The following OLFM2 variants were observed in gnomAD, a reference collection of about 807,000 sequenced individuals.
The protein encoded by OLFM2 is noelin-2.
Under a neutral mutation model 43.9 loss-of-function variants are expected in OLFM2, and 20 were observed. That is an observed-to-expected ratio of 0.46 (90% CI 0.32 to 0.66). The LOEUF is 0.66. OLFM2 is among the 30% of genes least tolerant of loss of function. The pLI is 0.04. For missense variants in OLFM2, 416 were observed against 643.6 expected, an observed-to-expected ratio of 0.65 and a Z score of 3.83; for synonymous variants, 268 against 278.6, an observed-to-expected ratio of 0.96 and a Z score of 0.38.
Position 9,886,079 on chromosome 19 carries a change from G to A in OLFM2, c.64-25285C>T, listed in dbSNP as rs147405150. Among the ~76,000 whole-genome samples the A allele has an allele frequency of 5.6e-3, 817 of 145,290 alleles. 4 individuals carry two copies. The highest frequency in any genetic ancestry group is 0.02 in the African/African-American group (772 of 39,426). On this transcript the variant is annotated intron_variant, in intron 1 of 5. Transcript: ENST00000264833. ...ACCCCTGCACTCCAGCCTGGGCAACGGAGCAAGACCCTGTCTCAAAAAAGA... is the reference window on the plus strand; with the variant it reads ...ACCCCTGCACTCCAGCCTGGGCAACAGAGCAAGACCCTGTCTCAAAAAAGA...
intron 1 of OLFM2, among the ~76,000 whole-genome samples, chr19:9,924,103 CAAAAAA>C (rs1047796253): frequency 2.4e-4 from 5 of 20,714 alleles, no homozygotes; most frequent in East Asian, 2.2e-3. Flanking sequence ...CTCGTCTCTA[CAAAAAA>C]AAAAAAAAAA....
rs1337298099 is a variant in OLFM2, at chr19:9,857,876, A to G, written c.214-15T>C. The G allele has an allele frequency of 1.9e-6, 3 of 1,613,684 alleles. No individual in the cohort carries two copies. Among genetic ancestry groups the G allele is most frequent in the Non-Finnish European group, 2.5e-6 (3 of 1,180,014 alleles). On this transcript the variant is annotated splice_polypyrimidine_tract_variant and intron_variant, in intron 2 of 5. Transcript: ENST00000264833. This position sits in a 1 kb window ranked among gnomAD's most constrained non-coding sequence, Gnocchi z 5.7. ...ACGTTCTGGACCTAGGAATGGGGAC[A>G]ACTGAAGGGACCAGACCTCCTTCCC...
rs747662258 is a variant in OLFM2 at position 9,856,866 on chromosome 19, T to G, written c.628A>C (p.Met210Leu). The G allele has an allele frequency of 2.5e-6, 4 of 1,613,512 alleles. No homozygotes were observed. Among genetic ancestry groups the G allele is most frequent in the Non-Finnish European group, 3.4e-6 (4 of 1,179,826 alleles). Residue 210 changes from methionine to leucine, a missense_variant, in exon 5 of 6, where the codon ATG (methionine) becomes CTG (leucine). Transcript: ENST00000264833. This position sits in a 1 kb window ranked among gnomAD's most constrained non-coding sequence, Gnocchi z 4.0. ...GVSNPITVRA[M>L]GSRFGSWMTD... is the part of the protein sequence containing the mutation. ...ATCCAGGAGCCGAAGCGGGACCCCA[T>G]GGCCCGAACGGTGATGGGGTTACTG...
At chr19:9,904,157 TG>T (rs1336523236) in intron 1 of OLFM2, among the ~76,000 whole-genome samples, 36 of 47,656 alleles carry the variant, frequency 7.6e-4, no homozygotes, top group Admixed American at 7.2e-4. Flanking sequence ...ATTGTTTGTG[TG>T]TGTGTGTGTG....
intron 1 of OLFM2, among the ~76,000 whole-genome samples, chr19:9,909,924 T>C (rs1002246961): frequency 2.6e-5 from 4 of 152,020 alleles, no homozygotes; most frequent in Admixed American, 6.6e-5. Context: ...CAAATCCTTA[T>C]GAAGGTGTGA....
chr19:9,932,976 T>C (rs1403556233), intron 1 of OLFM2, among the ~76,000 whole-genome samples: 1 of 152,028 alleles, frequency 6.6e-6, no homozygotes, highest in Non-Finnish European at 1.5e-5. Context: ...AGCTTACAAG[T>C]TCCTAAGTGG....
chr19:9,908,489 T>G (rs1489003992), intron 1 of OLFM2, among the ~76,000 whole-genome samples: 46 of 133,236 alleles, frequency 3.5e-4, no homozygotes, highest in African/African-American at 1.3e-3. Flanking sequence ...TTTTTTTTTT[T>G]TTTTTTGAGA....
In OLFM2 at chr19:9,853,745, G is replaced by T; in HGVS notation, c.*441C>A. The T allele has an allele frequency of 2.4e-6, 1 of 409,378 alleles. No individual in the cohort carries two copies. Among genetic ancestry groups the T allele is most frequent in the South Asian group, 8.6e-5 (1 of 11,566 alleles). The allele number at this position is 409,378 out of a possible 1,614,324, so 25.4% of individuals were successfully genotyped here. ...AAATGTCAAAGGTCCTGTTTATTCC[G>T]GCAAACCGGAAAGAAAAAGTGTAAA... On this transcript the variant is annotated 3_prime_UTR_variant, in exon 6 of 6. Coordinates refer to ENST00000264833, the MANE Select transcript of OLFM2 (RefSeq NM_058164.4).
At position 9,856,704 on chromosome 19, in the gene OLFM2, G is replaced by A. The variant is rs1020387569; in HGVS notation, c.687+103C>T. 1.1e-6 allele frequency: 1 copy of A among 918,148 alleles called. No individual in the cohort carries two copies. Among genetic ancestry groups the A allele is most frequent in the Non-Finnish European group, 1.7e-6 (1 of 587,424 alleles). The allele number at this position is 918,148 out of a possible 1,614,324, so 56.9% of individuals were successfully genotyped here. A position where few individuals can be genotyped will look rare whatever the true frequency, so the allele number is the denominator to read the frequency against. The stretch of plus-strand genomic sequence containing the variant: ...GCCCTGGGGGATCCAGGACACTTTG[G>A]GCTACAAGACAGTCACCAGTGTGGA... On this transcript the variant is annotated intron_variant, in intron 5 of 5. Coordinates refer to ENST00000264833, the MANE Select transcript of OLFM2 (RefSeq NM_058164.4). The surrounding 1 kb of genome is among the most constrained non-coding windows in gnomAD (Gnocchi z 4.0).
intron 1 of OLFM2, among the ~76,000 whole-genome samples, chr19:9,914,289 C>T (rs1311975057): frequency 6.6e-6 from 1 of 152,102 alleles, no homozygotes; most frequent in Non-Finnish European, 1.5e-5. Flanking sequence ...GGACAGCGGG[C>T]ATTGGGGGGC....
chr19:9,874,564 T>G (rs1360516222), intron 1 of OLFM2, among the ~76,000 whole-genome samples: 1 of 152,110 alleles, frequency 6.6e-6, no homozygotes, highest in East Asian at 1.9e-4. Flanking sequence ...CACTGCAACC[T>G]CTACCTCCTG....
Position 9,854,664 on chromosome 19 carries a change from C to T in OLFM2, c.887G>A (p.Arg296His), listed in dbSNP as rs1351549792. The change falls in exon 6 of 6, where the codon CGC becomes CAC. Residue 296 changes from arginine (R) to histidine (H), a missense_variant. Arg to His is a conservative substitution (Grantham distance 29). Coordinates refer to ENST00000264833, the MANE Select transcript of OLFM2 (RefSeq NM_058164.4). The surrounding 1 kb of genome is among the most constrained non-coding windows in gnomAD (Gnocchi z 9.5). ...NVVVKYHFRS[R>H]SVLVQRSLPG... is the part of the protein sequence containing the mutation. ...GAGGCTCCTCTGCACCAGCACAGAG[C>T]GCGAGCGGAAGTGGTATTTGACCAC... 7 of 1,614,110 alleles carry T rather than the reference C, an allele frequency of 4.3e-6. No homozygotes were observed. The highest frequency in any genetic ancestry group is 2.7e-5 in the African/African-American group (2 of 74,938).
chr19:9,855,017 G>A (rs967590546), intron 5 of OLFM2, among the ~76,000 whole-genome samples, 154 bp from the exon 6 acceptor site: 5 of 152,106 alleles, frequency 3.3e-5, no homozygotes, highest in Admixed American at 2.0e-4. Context: ...GCCCTAGTGT[G>A]ACCATGATCA....
rs76169645 is a variant in OLFM2, at chr19:9,917,638, A to G, written c.63+18666T>C. 5.1e-3 allele frequency among the ~76,000 whole-genome samples: 780 copies of G among 152,214 alleles called. 5 individuals carry two copies. Among genetic ancestry groups the G allele is most frequent in the Non-Finnish European group, 7.2e-3 (489 of 68,030 alleles). On this transcript the variant is annotated intron_variant, in intron 1 of 5. Transcript: ENST00000264833. ...CATCCTCTCTTTGCCATGTCCCTCC[A>G]GTAGCTTTCTGCTGTAGCTTATGCC...
At chr19:9,881,752 C>T (rs1162589623) in intron 1 of OLFM2, among the ~76,000 whole-genome samples, 1 of 151,906 alleles carries the variant, frequency 6.6e-6, no homozygotes, top group Non-Finnish European at 1.5e-5. Flanking sequence ...CCCACCTCAG[C>T]CTCCCAAAGT....
chr19:9,927,522 A>G (rs375168513), intron 1 of OLFM2, among the ~76,000 whole-genome samples: 12 of 152,278 alleles, frequency 7.9e-5, no homozygotes, highest in Admixed American at 2.6e-4. Context: ...AGCATGACCA[A>G]TGACTTTCTT....
In OLFM2 at chr19:9,936,294, G is replaced by A. The variant is rs1395433641; in HGVS notation, c.63+10C>T. On this transcript the variant is annotated intron_variant, in intron 1 of 5. Coordinates refer to ENST00000264833, the MANE Select transcript of OLFM2 (RefSeq NM_058164.4). Reference sequence around the variant, plus strand: ...CCACCCGCGCCCGCACCTGCCCGCCGGGCCCCTACCTGTCCGGCCAGGCCT... The same window carrying A: ...CCACCCGCGCCCGCACCTGCCCGCCAGGCCCCTACCTGTCCGGCCAGGCCT... 1.3e-6 allele frequency: 2 copies of A among 1,527,774 alleles called. No individual in the cohort carries two copies. The highest frequency in any genetic ancestry group is 1.4e-5 in the African/African-American group (1 of 72,102). The allele number at this position is 1,527,774 out of a possible 1,614,324, so 94.6% of individuals were successfully genotyped here. A position where few individuals can be genotyped will look rare whatever the true frequency, so the allele number is the denominator to read the frequency against.
intron 1 of OLFM2, among the ~76,000 whole-genome samples, chr19:9,899,476 T>TC (rs1344562020): frequency 6.6e-6 from 1 of 151,862 alleles, no homozygotes; most frequent in Non-Finnish European, 1.5e-5. Context: ...CTCAATCAGC[T>TC]CCCCAAAGAG....
chr19:9,888,849 A>C (rs555655122), intron 1 of OLFM2, among the ~76,000 whole-genome samples: 1 of 151,694 alleles, frequency 6.6e-6, no homozygotes, highest in Admixed American at 6.6e-5. Flanking sequence ...GGCGGATCAC[A>C]AGGTCAGGAG....
Sources: allele counts gnomAD v4.1 joint callset (sites outside exome capture counted in the v4.1 genomes callset), GRCh38; gene constraint gnomAD v4.1.1; non-coding constraint Gnocchi (gnomAD v3.1); transcripts MANE v1.5; gene names NCBI Gene and HGNC (gene_info 2026-07-23, HGNC 2026-07-21).